The following HECTD4 variants were observed in gnomAD, a reference collection of about 807,000 sequenced individuals.
The protein encoded by HECTD4 is HECT domain E3 ubiquitin protein ligase 4, also known as probable E3 ubiquitin-protein ligase HECTD4.
A neutral mutation model predicts 471.5 loss-of-function variants in HECTD4; 114 were observed. The observed-to-expected ratio is 0.24, with a 90% CI of 0.21 to 0.28. The LOEUF (loss-of-function observed/expected upper bound fraction) is 0.28, where lower values mean the gene tolerates loss of function less well. Among genes scored for constraint, HECTD4 ranks in the 10% least tolerant of loss-of-function variants. The pLI, the probability that HECTD4 is intolerant of heterozygous loss-of-function variation, is 1.00. For missense variants in HECTD4, 3,866 were observed against 5,651.5 expected, an observed-to-expected ratio of 0.68 and a Z score of 10.13; for synonymous variants, 2,012 against 2,256.0, an observed-to-expected ratio of 0.89 and a Z score of 3.07.
chr12:112,178,430 G>A (rs1380327769), intron 64 of HECTD4, among the ~76,000 whole-genome samples: 1 of 152,198 alleles, frequency 6.6e-6, no homozygotes, highest in African/African-American at 2.4e-5. Flanking sequence ...TAGATGGGTC[G>A]GCTTTCCAGC....
At chr12:112,198,079 C>T (rs932205926) in intron 55 of HECTD4, among the ~76,000 whole-genome samples, 2 of 152,198 alleles carry the variant, frequency 1.3e-5, no homozygotes, top group Non-Finnish European at 2.9e-5. Flanking sequence ...AAGTGAACCG[C>T]CCACCTCGGC....
At chr12:112,298,320 T>C (rs2035086531) in intron 7 of HECTD4, among the ~76,000 whole-genome samples, 1 of 151,984 alleles carries the variant, frequency 6.6e-6, no homozygotes, top group South Asian at 2.1e-4. Flanking sequence ...AGAAAGACAA[T>C]TGCAGAAAAA....
At chr12:112,197,075 CGTGACCCACT>C (rs1005089174) in intron 55 of HECTD4, among the ~76,000 whole-genome samples, 131 of 152,172 alleles carry the variant, frequency 8.6e-4, no homozygotes, top group African/African-American at 3.0e-3. Context: ...GGATTATAGG[CGTGACCCACT>C]GTGCCCAGCC....
rs1267300444 is a variant in HECTD4, at chr12:112,247,062, T to C, written c.4352A>G (p.Gln1451Arg). Reference protein sequence around the residue: ...MVLSLREKFLQEVNSLIQKPS... With the variant: ...MVLSLREKFLREVNSLIQKPS... The stretch of plus-strand genomic sequence containing the variant: ...TTTCTGAATAAGAGAATTCACTTCT[T>C]GTAGGAACTTCTCCCTATAAAGAAA... The change falls in exon 29 of 76, where the codon CAA (glutamine) becomes CGA (arginine). Residue 1451 changes from glutamine (Q) to arginine (R), a missense_variant. Transcript: ENST00000682272. 1.2e-6 allele frequency: 2 copies of C among 1,605,328 alleles called. No homozygotes were observed. The highest frequency in any genetic ancestry group is 1.7e-6 in the Non-Finnish European group (2 of 1,176,104).
At chr12:112,175,358 A>T (rs2031398582) in intron 66 of HECTD4, among the ~76,000 whole-genome samples, 1 of 152,234 alleles carries the variant, frequency 6.6e-6, no homozygotes, top group African/African-American at 2.4e-5. Context: ...GAGGACCTTG[A>T]GAAGGTGGCA....
rs148213504 is a variant in HECTD4, at chr12:112,316,531, A to C, written c.696-1985T>G. On this transcript the variant is annotated intron_variant, in intron 2 of 75. Transcript: ENST00000682272. ...ACCACCAAGAGAATGCCTTCCGTGC[A>C]GTAAGTGAGCAATAAGGTTTTGCAG... is the stretch of plus-strand genomic sequence containing the variant. Among the ~76,000 whole-genome samples, 663 of 152,084 alleles carry C rather than the reference A, an allele frequency of 4.4e-3. 5 individuals carry two copies. The highest frequency in any genetic ancestry group is 7.8e-3 in the Non-Finnish European group (531 of 67,976).
intron 7 of HECTD4, among the ~76,000 whole-genome samples, chr12:112,300,450 T>A (rs2035141039): frequency 1.3e-5 from 2 of 152,218 alleles, no homozygotes; most frequent in African/African-American, 4.8e-5. Context: ...ATTTGTATAT[T>A]ATTTTTTTAC....
chr12:112,162,246 T>C lies in HECTD4; in HGVS notation c.*141A>G. The C allele has an allele frequency of 3.3e-6, 3 of 899,068 alleles. No individual in the cohort carries two copies. The allele number at this position is 899,068 out of a possible 1,614,324, so 55.7% of individuals were successfully genotyped here. ...AAAGGTTAAGTCTTCCAGGAGGCCC[T>C]GGAATGTGGACGAAAGTTTGGAAAA... On this transcript the variant is annotated 3_prime_UTR_variant, in exon 76 of 76. Transcript: ENST00000682272. This position sits in a 1 kb window ranked among gnomAD's most constrained non-coding sequence, Gnocchi z 5.2.
chr12:112,194,181 T>C lies in HECTD4; in HGVS notation c.8750-507A>G, dbSNP rs549208104. Reference sequence around the variant, plus strand: ...GCGCTCATATGGACCAGTAGCGATGTAGTGCACACATACCCTGGCTGGGTG... The same window carrying C: ...GCGCTCATATGGACCAGTAGCGATGCAGTGCACACATACCCTGGCTGGGTG... On this transcript the variant is annotated intron_variant, in intron 56 of 75. Coordinates refer to ENST00000682272, the MANE Select transcript of HECTD4 (RefSeq NM_001388303.1). The surrounding 1 kb of genome is among the most constrained non-coding windows in gnomAD (Gnocchi z 4.6). Among the ~76,000 whole-genome samples, 1 of 152,332 alleles carries C rather than the reference T, an allele frequency of 6.6e-6. No individual in the cohort carries two copies. The highest frequency in any genetic ancestry group is 2.1e-4 in the South Asian group (1 of 4,828).
rs897668417 is a variant in HECTD4, at chr12:112,309,654, C to T, written c.932G>A (p.Arg311His). ...SSENKDADLG[R>H]CLTADGLYLY... is the part of the protein sequence containing the mutation. ...GTAAAGACCATCTGCCGTGAGACAG[C>T]GTCCCAAGTCAGCATCTGAAATCGT... Residue 311 changes from arginine to histidine, a missense_variant, in exon 5 of 76, where the codon CGC becomes CAC. Arg to His is a conservative substitution (Grantham distance 29, BLOSUM62 0). Transcript: ENST00000682272. 24 of 1,521,038 alleles carry T rather than the reference C, an allele frequency of 1.6e-5. No individual in the cohort carries two copies. The highest frequency in any genetic ancestry group is 2.4e-5 in the South Asian group (2 of 81,908). 94.2% of individuals were successfully genotyped at this position (1,521,038 alleles called of 1,614,324 possible).
Position 112,334,222 on chromosome 12 carries a change from A to AATAT in HECTD4, c.178-14481_178-14480insATAT, listed in dbSNP as rs528685820. Among the ~76,000 whole-genome samples the AATAT allele has an allele frequency of 4.6e-3, 696 of 150,208 alleles. 10 individuals carry two copies. Among genetic ancestry groups the AATAT allele is most frequent in the African/African-American group, 0.016 (661 of 40,806 alleles). On this transcript the variant is annotated intron_variant, in intron 1 of 75. Transcript: ENST00000682272. ...AGACTCCCTCTTAAATAAATAAATA[A>AATAT]ATAAATAAATAAATAAATAAATAAA... is the stretch of plus-strand genomic sequence containing the variant.
intron 60 of HECTD4, among the ~76,000 whole-genome samples, chr12:112,187,124 C>A (rs981008128): frequency 3.9e-4 from 59 of 152,172 alleles, no homozygotes; most frequent in Admixed American, 1.0e-3. Context: ...GGATTACAGG[C>A]ATGCACCACC....
chr12:112,206,615 C>T (rs1265476700), intron 52 of HECTD4, among the ~76,000 whole-genome samples: 1 of 146,604 alleles, frequency 6.8e-6, no homozygotes, highest in Non-Finnish European at 1.5e-5. Context: ...CTGATCACTG[C>T]AAGCTCTGCC....
intron 60 of HECTD4, among the ~76,000 whole-genome samples, chr12:112,190,448 A>C (rs2032040010): frequency 6.6e-6 from 1 of 152,218 alleles, no homozygotes; most frequent in Non-Finnish European, 1.5e-5. Flanking sequence ...TGATTTTGCA[A>C]CATTGTTCAT....
At position 112,192,633 on chromosome 12, in the gene HECTD4, C is replaced by A. The variant is rs1191173348; in HGVS notation, c.9219G>T (p.Gly3073=). Residue 3073 remains glycine, a synonymous_variant, in exon 59 of 76, where the codon GGG becomes GGT. Transcript: ENST00000682272. The part of the protein sequence containing the change: ...YPRDASPANT[G]LAPPPTADQY... ...GGTCAGCGGTGGGGGGAGGTGCAAG[C>A]CCAGTGTTGGCTGGGGACGCGTCCC... 1 of 1,609,640 alleles carries A rather than the reference C, an allele frequency of 6.2e-7. No individual in the cohort carries two copies. Among genetic ancestry groups the A allele is most frequent in the African/African-American group, 1.3e-5 (1 of 75,016 alleles).
intron 1 of HECTD4, among the ~76,000 whole-genome samples, chr12:112,374,718 C>T (rs1207708622): frequency 1.3e-5 from 2 of 152,194 alleles, no homozygotes; most frequent in African/African-American, 4.8e-5. Flanking sequence ...TATAGGCTAG[C>T]AGTGTCCTCC....
At chr12:112,245,633 G>T (rs975655409) in intron 29 of HECTD4, among the ~76,000 whole-genome samples, 3 of 152,222 alleles carry the variant, frequency 2.0e-5, no homozygotes, top group African/African-American at 7.2e-5. Flanking sequence ...GACCAGCTGG[G>T]ATGAAAACAA....
Position 112,219,410 on chromosome 12 carries a change from A to C in HECTD4, c.7050T>G (p.Pro2350=). Residue 2350 remains proline, a synonymous_variant, in exon 45 of 76, where the codon CCT becomes CCG. Transcript: ENST00000682272. ...LYRDCARPPP[P]PLQADRRQPK... is the part of the protein sequence containing the mutation. Reference sequence around the variant, plus strand: ...CCTGTCTTCGGTCAGCCTGCAAAGGAGGTGGTGGGGGCCGAGCACAGTCCC... The same window carrying C: ...CCTGTCTTCGGTCAGCCTGCAAAGGCGGTGGTGGGGGCCGAGCACAGTCCC... 6.2e-7 allele frequency: 1 copy of C among 1,613,528 alleles called. No individual in the cohort carries two copies. The highest frequency in any genetic ancestry group is 8.5e-7 in the Non-Finnish European group (1 of 1,179,658).
intron 7 of HECTD4, among the ~76,000 whole-genome samples, chr12:112,289,124 G>A (rs1295827508): frequency 6.6e-6 from 1 of 151,976 alleles, no homozygotes; most frequent in African/African-American, 2.4e-5. Context: ...TTTTGAGACA[G>A]GGTCTTGGTG....
Sources: gnomAD v4.1 joint callset for allele counts (sites outside exome capture counted in the v4.1 genomes callset) on GRCh38, gnomAD v4.1.1 for gene constraint, Gnocchi (gnomAD v3.1) non-coding constraint, MANE v1.5 for transcripts, NCBI Gene and HGNC (gene_info 2026-07-23, HGNC 2026-07-21) for gene names.